The following MARF1 variants were observed in gnomAD, a reference collection of about 807,000 sequenced individuals.
MARF1 encodes the protein meiosis regulator and mRNA stability factor 1.
A neutral mutation model predicts 168.2 loss-of-function variants in MARF1; 24 were observed. The observed-to-expected ratio is 0.14, with a 90% CI of 0.10 to 0.20. The LOEUF is 0.20. Among genes scored for constraint, MARF1 ranks in the 10% least tolerant of loss-of-function variants. The pLI, the probability that MARF1 is intolerant of heterozygous loss-of-function variation, is 1.00. For missense variants in MARF1, 1,744 were observed against 2,143.6 expected (o/e 0.81, Z 3.68); for synonymous variants, 868 against 822.4 (o/e 1.06, Z -0.95).
chr16:15,640,373 T>C (rs894416020), intron 1 of MARF1, among the ~76,000 whole-genome samples: 5 of 152,340 alleles, frequency 3.3e-5, no homozygotes, highest in Middle Eastern at 6.8e-3. Flanking sequence ...AGATGTGTTA[T>C]ATCTACGCCA....
intron 14 of MARF1, 42 bp downstream of exon 14, chr16:15,617,257 T>A (rs2034129032): frequency 6.2e-7 from 1 of 1,610,116 alleles, no homozygotes; most frequent in Non-Finnish European, 8.5e-7. Context: ...TTCCACAATC[T>A]TATAGAAAAG....
chr16:15,637,430 T>C (rs2035672228), intron 2 of MARF1, among the ~76,000 whole-genome samples: 1 of 152,258 alleles, frequency 6.6e-6, no homozygotes. Context: ...TAGGCTCATC[T>C]GGAAGAAATG....
At position 15,625,092 on chromosome 16, in the gene MARF1, G is replaced by T. The variant is rs2034749846; in HGVS notation, c.2035C>A (p.His679Asn). The change falls in exon 9 of 27, where the codon CAC (histidine) becomes AAC (asparagine). Residue 679 changes from histidine (H) to asparagine (N), a missense_variant. This residue lies in a region of MARF1 where 270 missense variants were observed against 260.6 expected (regional missense o/e 1.04). Transcript: ENST00000396368. The stretch of plus-strand genomic sequence containing the variant: ...GACACTGCAGCACTTGAGTTACCGT[G>T]AGTGGGTACGACCAGCCTCAGGTGA... ...QGHLRLVVPT[H>N]GNSSAAVSTP... 1 of 1,614,066 alleles carries T rather than the reference G, an allele frequency of 6.2e-7. No homozygotes were observed. Among genetic ancestry groups the T allele is most frequent in the African/African-American group, 1.3e-5 (1 of 74,922 alleles).
chr16:15,615,199 T>C (rs2033942750), intron 16 of MARF1, among the ~76,000 whole-genome samples: 1 of 152,214 alleles, frequency 6.6e-6, no homozygotes, highest in Non-Finnish European at 1.5e-5. Flanking sequence ...TAGCTTATGT[T>C]GGTACTTTCA....
In MARF1 at chr16:15,610,837, C is replaced by G. The variant is rs139437469; in HGVS notation, c.3751+138G>C. 4.7e-4 allele frequency: 363 copies of G among 775,500 alleles called. No homozygotes were observed. In the East Asian group the frequency reaches 9.4e-3, roughly 20 times the overall value. The allele number at this position is 775,500 out of a possible 1,614,324, so 48.0% of individuals were successfully genotyped here. On this transcript the variant is annotated intron_variant, in intron 19 of 26. Coordinates refer to ENST00000396368, the MANE Select transcript of MARF1 (RefSeq NM_014647.4). ...TTTGAAGAACACAGAATCCAAAGAG[C>G]AGCAGTTTTCACACTGTGCTTTCTG...
chr16:15,601,140 C>G (rs779119782), intron 23 of MARF1: 8 of 457,952 alleles, frequency 1.7e-5, no homozygotes, highest in Non-Finnish European at 3.1e-5. Context: ...GTGCCGCTCT[C>G]CATCTCAGCC....
rs563899706 is a variant in MARF1 at position 15,625,035 on chromosome 16, C to T, written c.2092G>A (p.Val698Ile). The T allele has an allele frequency of 1.4e-5, 23 of 1,614,118 alleles. No individual in the cohort carries two copies. Among genetic ancestry groups the T allele is most frequent in the Admixed American group, 1.0e-4 (6 of 60,014 alleles). The change falls in exon 9 of 27, where the codon GTT becomes ATT. Residue 698 changes from valine to isoleucine, a missense_variant. Val to Ile is a conservative substitution (Grantham distance 29). Coordinates refer to ENST00000396368, the MANE Select transcript of MARF1 (RefSeq NM_014647.4). ...ACATACTTCTGACTGGTTTTGTAAA[C>T]GGGTTCTGCCACCCCCGAGTTTTTC... is the stretch of plus-strand genomic sequence containing the variant. ...TPKNSGVAEPVYKTSQKKENL... is the reference protein window; with the variant it reads ...TPKNSGVAEPIYKTSQKKENL...
chr16:15,618,115 C>G (rs2034197938), intron 13 of MARF1, among the ~76,000 whole-genome samples: 1 of 152,190 alleles, frequency 6.6e-6, no homozygotes, highest in African/African-American at 2.4e-5. Flanking sequence ...CCAATCGGGG[C>G]CTCACTTTTT....
At chr16:15,633,926 C>A in intron 4 of MARF1, 83 bp from the exon 5 acceptor site, 1 of 1,171,276 alleles carries the variant, frequency 8.5e-7, no homozygotes, top group African/African-American at 1.5e-5. Flanking sequence ...ACCTATCATT[C>A]TCAGTGGTAG....
In MARF1 at chr16:15,596,705, T is replaced by C. The variant is rs1311518371; in HGVS notation, c.5217A>G (p.Ile1739Met). The C allele has an allele frequency of 5.0e-6, 8 of 1,600,228 alleles. No individual in the cohort carries two copies. The highest frequency in any genetic ancestry group is 1.7e-4 in the Middle Eastern group (1 of 6,020). The change falls in exon 27 of 27, where the codon ATA becomes ATG. Residue 1739 changes from isoleucine to methionine, a missense_variant. Transcript: ENST00000396368. ...TTCCAAATGGGAGTTAAAGCTTGGT[T>C]ATAGGTGCTAAGGAAAAGTTGGCTG... is the stretch of plus-strand genomic sequence containing the variant. ...KLAANFSLAP[I>M]TKL
chr16:15,607,893 G>C (rs1260617895), intron 21 of MARF1, among the ~76,000 whole-genome samples: 1 of 152,194 alleles, frequency 6.6e-6, no homozygotes, highest in African/African-American at 2.4e-5. Flanking sequence ...TGAGAATGTG[G>C]AGGGAGAGGA....
intron 5 of MARF1, among the ~76,000 whole-genome samples, chr16:15,632,691 A>G (rs2035328008): frequency 6.6e-6 from 1 of 152,244 alleles, no homozygotes; most frequent in Admixed American, 6.5e-5. Context: ...GGCACCTGCA[A>G]TACACAATAA....
chr16:15,614,796 A>C (rs1223386455), intron 16 of MARF1, among the ~76,000 whole-genome samples: 1 of 152,000 alleles, frequency 6.6e-6, no homozygotes, highest in Admixed American at 6.6e-5. Flanking sequence ...CCGTCTCAAA[A>C]AAAAAAAGAC....
At chr16:15,603,031 CA>C (rs1174304580) in intron 22 of MARF1, among the ~76,000 whole-genome samples, 1 of 152,162 alleles carries the variant, frequency 6.6e-6, no homozygotes, top group Non-Finnish European at 1.5e-5. Context: ...AGGATATTCC[CA>C]ATCTTAGCTG....
At chr16:15,618,338 G>A (rs149486776) in intron 13 of MARF1, among the ~76,000 whole-genome samples, 376 of 152,020 alleles carry the variant, frequency 2.5e-3, no homozygotes, top group African/African-American at 8.4e-3. Flanking sequence ...TCCACCTCCC[G>A]GAGAGACACA....
At chr16:15,604,936 CA>C (rs2032876287) in intron 21 of MARF1, among the ~76,000 whole-genome samples, 1 of 152,172 alleles carries the variant, frequency 6.6e-6, no homozygotes, top group South Asian at 2.1e-4. Flanking sequence ...TTACTCACCA[CA>C]AAGCTGGTAT....
chr16:15,599,070 A>ACCC (rs749264333), intron 25 of MARF1, 46 bp from the exon 26 acceptor site: 15 of 1,566,700 alleles, frequency 9.6e-6, no homozygotes, highest in Non-Finnish European at 1.3e-5. Context: ...CTCCACGCCC[A>ACCC]CCCCCAGCAC....
At chr16:15,616,104 T>A in intron 15 of MARF1, 99 bp from the exon 16 acceptor site, 1 of 1,012,816 alleles carries the variant, frequency 9.9e-7, no homozygotes, top group Non-Finnish European at 1.3e-6. Context: ...ATGTATGTGT[T>A]AATCATTTGT....
chr16:15,622,467 C>A (rs2034530508), intron 11 of MARF1, among the ~76,000 whole-genome samples: 1 of 151,832 alleles, frequency 6.6e-6, no homozygotes, highest in Non-Finnish European at 1.5e-5. Context: ...TCTCAGCTTA[C>A]TGCAACCTCT....
Sources: allele counts gnomAD v4.1 joint callset (sites outside exome capture counted in the v4.1 genomes callset), GRCh38; gene constraint gnomAD v4.1.1; regional missense constraint gnomAD v4.1.1; transcripts MANE v1.5; gene names NCBI Gene and HGNC (gene_info 2026-07-23, HGNC 2026-07-21).